MAML2: variants seen among roughly 807,000 people sequenced by gnomAD.
The protein encoded by MAML2 is mastermind-like protein 2.
In MAML2, 22 loss-of-function variants were observed where a neutral mutation model predicts 96.1. The observed-to-expected ratio is 0.23, with a 90% CI of 0.16 to 0.33. The LOEUF (loss-of-function observed/expected upper bound fraction) is 0.33, where lower values mean the gene tolerates loss of function less well. Ranked by LOEUF, MAML2 falls within the 10% of genes least tolerant of loss-of-function variation. MAML2 has a pLI of 1.00. For missense variants in MAML2, 1,367 were observed against 1,392.4 expected (o/e 0.98, Z 0.29); for synonymous variants, 561 against 521.3 (o/e 1.08, Z -1.04).
rs1177832617 is a variant in MAML2, at chr11:96,231,842, C to T, written c.513+109541G>A. Among the ~76,000 whole-genome samples the T allele has an allele frequency of 2.6e-5, 4 of 152,172 alleles. No homozygotes were observed. The East Asian group carries it at 5.8e-4, about 22-fold the overall frequency. ...TCTCCTTAGGTTAAAAAATATGTCA[C>T]CAATCTTCTTGTTCTAATCCTTAAA... On this transcript the variant is annotated intron_variant, in intron 1 of 4. Coordinates refer to ENST00000524717, the MANE Select transcript of MAML2 (RefSeq NM_032427.4).
At chr11:96,271,454 T>C (rs1357949567) in intron 1 of MAML2, among the ~76,000 whole-genome samples, 1 of 152,148 alleles carries the variant, frequency 6.6e-6, no homozygotes, top group Non-Finnish European at 1.5e-5. Context: ...AATCTCATCT[T>C]GAATTGTAGT....
intron 1 of MAML2, among the ~76,000 whole-genome samples, chr11:96,155,057 T>A (rs1189612111): frequency 6.6e-6 from 1 of 152,154 alleles, no homozygotes; most frequent in Non-Finnish European, 1.5e-5. Context: ...GCGGTAAGTC[T>A]CATCAAGCAG....
intron 1 of MAML2, among the ~76,000 whole-genome samples, chr11:96,311,102 G>T (rs957086563): frequency 6.6e-6 from 1 of 152,208 alleles, no homozygotes; most frequent in African/African-American, 2.4e-5. Context: ...ACTCAGAGAG[G>T]TGAGGGAATT....
At chr11:96,063,909 C>T (rs1395360300) in intron 2 of MAML2, among the ~76,000 whole-genome samples, 2 of 152,164 alleles carry the variant, frequency 1.3e-5, no homozygotes, top group Non-Finnish European at 2.9e-5. Context: ...TAGAGTTCAA[C>T]CAAGGGCCTC....
intron 1 of MAML2, among the ~76,000 whole-genome samples, chr11:96,327,456 C>T (rs1863800674): frequency 6.6e-6 from 1 of 152,102 alleles, no homozygotes; most frequent in Non-Finnish European, 1.5e-5. Flanking sequence ...GAGACAGAGT[C>T]TTGCTCTGTT....
chr11:96,329,196 A>G (rs1331709199), intron 1 of MAML2, among the ~76,000 whole-genome samples: 2 of 152,192 alleles, frequency 1.3e-5, no homozygotes, highest in Admixed American at 6.5e-5. Context: ...AAAAAAAATC[A>G]GTACTCTCTC....
chr11:96,069,459 G>A (rs962987091), intron 2 of MAML2, among the ~76,000 whole-genome samples: 10 of 151,792 alleles, frequency 6.6e-5, no homozygotes, highest in Non-Finnish European at 1.0e-4. Context: ...AGATCATTTC[G>A]GCCCAGAAGT....
At chr11:96,044,344 C>T (rs1348652255) in intron 2 of MAML2, among the ~76,000 whole-genome samples, 1 of 152,198 alleles carries the variant, frequency 6.6e-6, no homozygotes, top group Admixed American at 6.5e-5. Flanking sequence ...TTTGTCATGA[C>T]ATGTAGGGTG....
At chr11:96,324,966 G>C (rs1335280324) in intron 1 of MAML2, among the ~76,000 whole-genome samples, 1 of 152,070 alleles carries the variant, frequency 6.6e-6, no homozygotes, top group Non-Finnish European at 1.5e-5. Flanking sequence ...ACATTAAAAG[G>C]TTTTCTCATC....
intron 4 of MAML2, among the ~76,000 whole-genome samples, chr11:95,984,276 T>C (rs577528694): frequency 6.6e-6 from 1 of 152,306 alleles, no homozygotes; most frequent in Admixed American, 6.5e-5. Context: ...TTATGATGTT[T>C]GCACAATGAA....
intron 3 of MAML2, among the ~76,000 whole-genome samples, chr11:95,989,476 C>T (rs961661213): frequency 3.9e-5 from 6 of 152,202 alleles, no homozygotes; most frequent in Non-Finnish European, 8.8e-5. Flanking sequence ...GTATATGCTA[C>T]CACTTCCTTG....
chr11:96,093,564 C>A (rs1859774102), intron 1 of MAML2, 47 bp from the exon 2 acceptor site: 1 of 1,244,328 alleles, frequency 8.0e-7, no homozygotes, highest in South Asian at 1.4e-5. Flanking sequence ...AATATGAATC[C>A]AATGATGCTT....
chr11:96,216,123 G>T (rs1466193413), intron 1 of MAML2, among the ~76,000 whole-genome samples: 1 of 152,162 alleles, frequency 6.6e-6, no homozygotes, highest in Non-Finnish European at 1.5e-5. Flanking sequence ...GTCTTCAGAA[G>T]TTGGTAGTTG....
At chr11:96,165,686 C>T (rs536022959) in intron 1 of MAML2, among the ~76,000 whole-genome samples, 3 of 152,088 alleles carry the variant, frequency 2.0e-5, no homozygotes, top group South Asian at 4.1e-4. Flanking sequence ...TGATACATAT[C>T]GACAAATTGT....
intron 1 of MAML2, among the ~76,000 whole-genome samples, chr11:96,235,066 GC>G (rs1565257885): frequency 6.6e-6 from 1 of 151,996 alleles, no homozygotes; most frequent in Admixed American, 6.6e-5. Flanking sequence ...AGTCAGTTTT[GC>G]CTGAGTCAGA....
intron 2 of MAML2, among the ~76,000 whole-genome samples, chr11:96,069,687 GAATA>G (rs1467166256): frequency 6.6e-6 from 1 of 151,636 alleles, no homozygotes; most frequent in African/African-American, 2.4e-5. Context: ...AAAAATAAAT[GAATA>G]AATAATAAAA....
intron 1 of MAML2, among the ~76,000 whole-genome samples, chr11:96,240,233 A>G (rs1453337394): frequency 6.6e-6 from 1 of 152,158 alleles, no homozygotes; most frequent in African/African-American, 2.4e-5. Flanking sequence ...TTTTCCTGAC[A>G]TACAAAAAAT....
At chr11:96,007,962 C>T (rs1302903521) in intron 2 of MAML2, among the ~76,000 whole-genome samples, 1 of 149,464 alleles carries the variant, frequency 6.7e-6, no homozygotes, top group Non-Finnish European at 1.5e-5. Context: ...ACCAGCATGG[C>T]ACATGTATAC....
In MAML2 at chr11:96,334,491, G is replaced by A. The variant is rs145085350; in HGVS notation, c.513+6892C>T. 6.9e-3 allele frequency among the ~76,000 whole-genome samples: 1,045 copies of A among 152,208 alleles called. 5 individuals are homozygous for A. Among genetic ancestry groups the A allele is most frequent in the Non-Finnish European group, 7.6e-3 (518 of 67,996 alleles). ...TAGAGGGGTGATTTGAAATCTGGTC[G>A]TCTCACCTCAGAGTTAAGAGTTAAG... On this transcript the variant is annotated intron_variant, in intron 1 of 4. Transcript: ENST00000524717.
Sources: gnomAD v4.1 joint callset for allele counts (sites outside exome capture counted in the v4.1 genomes callset) on GRCh38, gnomAD v4.1.1 for gene constraint, MANE v1.5 for transcripts, NCBI Gene and HGNC (gene_info 2026-07-23, HGNC 2026-07-21) for gene names.